The following BBX variants were observed in gnomAD, a reference collection of about 807,000 sequenced individuals.
The protein encoded by BBX is HMG box transcription factor BBX.
Under a neutral mutation model 100.2 loss-of-function variants are expected in BBX, and 30 were observed. That is an observed-to-expected ratio of 0.30 (90% CI 0.22 to 0.41). BBX has a LOEUF of 0.41. Ranked by LOEUF, BBX falls within the 10% of genes least tolerant of loss-of-function variation. The pLI is 1.00. For missense variants in BBX, 1,023 were observed against 1,129.8 expected, an observed-to-expected ratio of 0.91 and a Z score of 1.35; for synonymous variants, 376 against 388.1, an observed-to-expected ratio of 0.97 and a Z score of 0.37.
chr3:107,602,467 C>G (rs1414601220), intron 2 of BBX, among the ~76,000 whole-genome samples: 1 of 152,120 alleles, frequency 6.6e-6, no homozygotes, highest in Non-Finnish European at 1.5e-5. Flanking sequence ...ATAATCTCAG[C>G]ACTTGGGAGG....
intron 2 of BBX, among the ~76,000 whole-genome samples, chr3:107,591,275 A>C (rs1272208895): frequency 6.6e-6 from 1 of 152,202 alleles, no homozygotes; most frequent in Non-Finnish European, 1.5e-5. Context: ...TAAGTTTTCC[A>C]ATAAGCTCCT....
chr3:107,596,826 T>TGGGGGGCGACC (rs2053695953), intron 2 of BBX, among the ~76,000 whole-genome samples: 1 of 152,228 alleles, frequency 6.6e-6, no homozygotes. Context: ...CACAAATATC[T>TGGGGGGCGACC]GGAACACTTC....
chr3:107,808,479 G>A lies in BBX; in HGVS notation c.*3022G>A, dbSNP rs944503137. 22 of 152,170 alleles carry A rather than the reference G, an allele frequency of 1.4e-4. No homozygotes were observed. The highest frequency in any genetic ancestry group is 3.4e-4 in the African/African-American group (14 of 41,436). 9.4% of individuals were successfully genotyped at this position (152,170 alleles called of 1,614,324 possible). A position where few individuals can be genotyped will look rare whatever the true frequency, so the allele number is the denominator to read the frequency against. On this transcript the variant is annotated 3_prime_UTR_variant, in exon 18 of 18. Coordinates refer to ENST00000325805, the MANE Select transcript of BBX (RefSeq NM_001142568.3). ...AGAAGATTGCGTCTCAGATGGAGAC[G>A]CAGTACTGTTCCAGTTTTCTTTAGC...
intron 3 of BBX, among the ~76,000 whole-genome samples, chr3:107,708,580 A>G (rs1312239143): frequency 6.6e-6 from 1 of 151,820 alleles, no homozygotes; most frequent in Non-Finnish European, 1.5e-5. Flanking sequence ...AGGCTGAGGC[A>G]GAAGAATTGC....
At chr3:107,693,950 C>T (rs2060378240) in intron 3 of BBX, among the ~76,000 whole-genome samples, 1 of 151,076 alleles carries the variant, frequency 6.6e-6, no homozygotes, top group African/African-American at 2.5e-5. Context: ...ATTTTATTCT[C>T]TTTGAAGCAG....
At chr3:107,704,037 C>A (rs1425339666) in intron 3 of BBX, among the ~76,000 whole-genome samples, 1 of 152,116 alleles carries the variant, frequency 6.6e-6, no homozygotes, top group Non-Finnish European at 1.5e-5. Context: ...CATTTGGGTT[C>A]TTTGAGCTGG....
rs1024948559 is a variant in BBX at position 107,774,968 on chromosome 3, C to T, written c.2054+111C>T. ...CATGCTTGTTCTTTGACTACTCGCTCAGGACTTCCTACAATCTTAGTAGGC... is the reference window on the plus strand; with the variant it reads ...CATGCTTGTTCTTTGACTACTCGCTTAGGACTTCCTACAATCTTAGTAGGC... On this transcript the variant is annotated intron_variant, in intron 12 of 17. Transcript: ENST00000325805. The T allele has an allele frequency of 2.3e-6, 3 of 1,296,194 alleles. No individual in the cohort carries two copies. The South Asian group carries it at 5.3e-5, about 23-fold the overall frequency. The allele number at this position is 1,296,194 out of a possible 1,614,324, so 80.3% of individuals were successfully genotyped here. A position where few individuals can be genotyped will look rare whatever the true frequency, so the allele number is the denominator to read the frequency against.
intron 3 of BBX, among the ~76,000 whole-genome samples, chr3:107,679,754 T>C (rs2059477238): frequency 6.6e-6 from 1 of 152,184 alleles, no homozygotes. Flanking sequence ...ACTTGTACTA[T>C]GGGGGCTTTA....
At chr3:107,613,418 T>C (rs2054998689) in intron 2 of BBX, among the ~76,000 whole-genome samples, 1 of 150,640 alleles carries the variant, frequency 6.6e-6, no homozygotes, top group African/African-American at 2.4e-5. Flanking sequence ...TTATTTTGAT[T>C]TCTCATAATG....
chr3:107,630,797 G>A (rs907487909), intron 2 of BBX, among the ~76,000 whole-genome samples: 1 of 152,124 alleles, frequency 6.6e-6, no homozygotes, highest in African/African-American at 2.4e-5. Context: ...CAGAGAGCAG[G>A]TTTAGACCAA....
chr3:107,549,869 CTTTTTT>C (rs34639576), intron 2 of BBX, among the ~76,000 whole-genome samples: 2 of 134,986 alleles, frequency 1.5e-5, no homozygotes, highest in South Asian at 2.4e-4. Flanking sequence ...TTGTTCTTAC[CTTTTTT>C]TTTTTTTTTT....
At chr3:107,689,437 T>C (rs1180968149) in intron 3 of BBX, among the ~76,000 whole-genome samples, 4 of 152,238 alleles carry the variant, frequency 2.6e-5, no homozygotes, top group Non-Finnish European at 5.9e-5. Context: ...GTTCCACTTC[T>C]GCCTCAGAAA....
chr3:107,755,501 T>A, intron 9 of BBX, 97 bp from the exon 10 acceptor site: 3 of 1,045,406 alleles, frequency 2.9e-6, no homozygotes, highest in Non-Finnish European at 4.4e-6. Context: ...GCAATGATAC[T>A]CTCGTAACTA....
intron 2 of BBX, among the ~76,000 whole-genome samples, chr3:107,632,172 G>A (rs922217568): frequency 6.6e-6 from 1 of 152,086 alleles, no homozygotes; most frequent in African/African-American, 2.4e-5. Context: ...CGCCTCCTGG[G>A]TTCAAGTGAT....
Position 107,767,271 on chromosome 3 carries a change from C to T in BBX, c.907-5357C>T, listed in dbSNP as rs561299513. Among the ~76,000 whole-genome samples the T allele has an allele frequency of 2.2e-4, 33 of 152,162 alleles. No homozygotes were observed. The South Asian group carries it at 6.4e-3, about 30-fold the overall frequency. On this transcript the variant is annotated intron_variant, in intron 10 of 17. Coordinates refer to ENST00000325805, the MANE Select transcript of BBX (RefSeq NM_001142568.3). ...ATGCAGGTTCTACTAATGGGAGACA[C>T]TGGCAGGAGACTGGGAGATGGGAGG...
chr3:107,748,349 G>C lies in BBX; in HGVS notation c.825+310G>C, dbSNP rs539689628. Among the ~76,000 whole-genome samples, 8 of 152,206 alleles carry C rather than the reference G, an allele frequency of 5.3e-5. 1 individual carries two copies. In the South Asian group the frequency reaches 1.7e-3, roughly 32 times the overall value. On this transcript the variant is annotated intron_variant, in intron 9 of 17. Coordinates refer to ENST00000325805, the MANE Select transcript of BBX (RefSeq NM_001142568.3). ...AGCTTGGAAAAACTGCTGTCAACAAGAATGTCAGAGGCTTTCGATTTATTA... is the reference window on the plus strand; with the variant it reads ...AGCTTGGAAAAACTGCTGTCAACAACAATGTCAGAGGCTTTCGATTTATTA...
intron 3 of BBX, among the ~76,000 whole-genome samples, chr3:107,649,360 A>G (rs981234865): frequency 6.6e-6 from 1 of 152,238 alleles, no homozygotes; most frequent in African/African-American, 2.4e-5. Flanking sequence ...TTTTGGATTC[A>G]GATAAATCCT....
At chr3:107,761,248 G>T (rs181250784) in intron 10 of BBX, among the ~76,000 whole-genome samples, 6 of 152,290 alleles carry the variant, frequency 3.9e-5, no homozygotes, top group Admixed American at 3.3e-4. Context: ...AGAGGACTGT[G>T]TTTATGGAAG....
intron 12 of BBX, among the ~76,000 whole-genome samples, chr3:107,776,990 C>A (rs566551604): frequency 3.9e-5 from 6 of 152,156 alleles, no homozygotes; most frequent in Non-Finnish European, 5.9e-5. Flanking sequence ...GTAGTTCCCC[C>A]TTAGCCATAT....
Sources: gnomAD v4.1 joint callset for allele counts (sites outside exome capture counted in the v4.1 genomes callset) on GRCh38, gnomAD v4.1.1 for gene constraint, MANE v1.5 for transcripts, NCBI Gene and HGNC (gene_info 2026-07-23, HGNC 2026-07-21) for gene names.